Variants in GPHN observed in about 807,000 individuals in gnomAD.
GPHN encodes gephyrin.
GPHN carries 17 observed loss-of-function variants against 95.5 expected under a neutral mutation model. That is an observed-to-expected ratio of 0.18 (90% CI 0.12 to 0.27). The LOEUF is 0.27. Among genes scored for constraint, GPHN ranks in the 10% least tolerant of loss-of-function variants. GPHN has a pLI of 1.00. For synonymous variants in GPHN, 320 were observed against 322.5 expected, an observed-to-expected ratio of 0.99 and a Z score of 0.08; for missense variants, 660 against 978.1, an observed-to-expected ratio of 0.67 and a Z score of 4.34.
At chr14:66,905,792 T>C (rs1396412336) in intron 5 of GPHN, among the ~76,000 whole-genome samples, 1 of 152,110 alleles carries the variant, frequency 6.6e-6, no homozygotes, top group Admixed American at 6.6e-5. Context: ...GTGTACCAAA[T>C]GTTTAGCTCC....
chr14:67,088,945 C>T, intron 11 of GPHN, 38 bp from the exon 12 acceptor site: 1 of 1,169,766 alleles, frequency 8.5e-7, no homozygotes, highest in Non-Finnish European at 1.3e-6. Flanking sequence ...ACCCATTGCT[C>T]TCCATATTTA....
chr14:67,420,355 C>T, the GPHN span, among the ~76,000 whole-genome samples: 1 of 152,306 alleles, frequency 6.6e-6, no homozygotes, highest in Admixed American at 6.5e-5. Flanking sequence ...AGAGGGGTGA[C>T]GCCAGCCCTA....
At chr14:67,645,146 T>C in the GPHN span, among the ~76,000 whole-genome samples, 1 of 152,148 alleles carries the variant, frequency 6.6e-6, no homozygotes, top group African/African-American at 2.4e-5. Flanking sequence ...GGTGAGTCGT[T>C]ACCTATAGAC....
At chr14:67,411,222 T>C in the GPHN span, among the ~76,000 whole-genome samples, 3 of 152,074 alleles carry the variant, frequency 2.0e-5, no homozygotes, top group Non-Finnish European at 4.4e-5. Flanking sequence ...TTTGTTCATC[T>C]TCTACCATAA....
At chr14:66,648,894 G>A (rs940151783) in intron 1 of GPHN, among the ~76,000 whole-genome samples, 2 of 152,168 alleles carry the variant, frequency 1.3e-5, no homozygotes, top group African/African-American at 4.8e-5. Flanking sequence ...ATAAGTGAAT[G>A]TTCACCTAAG....
chr14:67,015,067 C>T (rs1270624847), intron 9 of GPHN, among the ~76,000 whole-genome samples: 1 of 152,164 alleles, frequency 6.6e-6, no homozygotes, highest in Non-Finnish European at 1.5e-5. Flanking sequence ...GTGTGTTCTA[C>T]ATATTATAGT....
At chr14:66,533,115 A>G (rs2059008193) in intron 1 of GPHN, among the ~76,000 whole-genome samples, 1 of 152,218 alleles carries the variant, frequency 6.6e-6, no homozygotes, top group South Asian at 2.1e-4. Context: ...TTAATTAATA[A>G]ATGTTTTTTT....
intron 1 of GPHN, among the ~76,000 whole-genome samples, chr14:66,644,940 G>A (rs775078792): frequency 6.6e-6 from 1 of 151,908 alleles, no homozygotes; most frequent in Non-Finnish European, 1.5e-5. Context: ...TTTGTAGTAA[G>A]GCATGTAAAT....
chr14:67,215,971 A>T, the GPHN span, among the ~76,000 whole-genome samples: 1 of 152,200 alleles, frequency 6.6e-6, no homozygotes, highest in Admixed American at 6.6e-5. Context: ...CTTTTAAAAA[A>T]TTGATGAAAA....
chr14:66,900,212 A>T (rs6573734), intron 5 of GPHN, among the ~76,000 whole-genome samples: 47,032 of 151,432 alleles, frequency 0.31, 11,263 homozygotes, highest in African/African-American at 0.65. Context: ...TTCATTGACT[A>T]TCTCTGTTTT....
the GPHN span, among the ~76,000 whole-genome samples, chr14:67,489,724 C>T: frequency 2.6e-5 from 4 of 152,242 alleles, no homozygotes; most frequent in Admixed American, 1.3e-4. Context: ...GGCGCGGTGG[C>T]TCACGCCTGT....
At chr14:67,057,144 C>G in intron 10 of GPHN, among the ~76,000 whole-genome samples, 1 of 152,200 alleles carries the variant, frequency 6.6e-6, no homozygotes. Flanking sequence ...CAGCGGCAGG[C>G]TGAAGGGCTT....
chr14:67,428,921 C>A, the GPHN span, among the ~76,000 whole-genome samples: 1 of 152,166 alleles, frequency 6.6e-6, no homozygotes, highest in Non-Finnish European at 1.5e-5. Context: ...GCTCTGTAAG[C>A]AGTCAGCCAC....
chr14:67,324,385 G>T, the GPHN span, among the ~76,000 whole-genome samples: 1 of 152,044 alleles, frequency 6.6e-6, no homozygotes, highest in African/African-American at 2.4e-5. Flanking sequence ...TGGTAACTCT[G>T]TCAGGTGACT....
At chr14:66,591,020 A>G (rs917539400) in intron 1 of GPHN, among the ~76,000 whole-genome samples, 3 of 152,156 alleles carry the variant, frequency 2.0e-5, no homozygotes, top group African/African-American at 7.2e-5. Context: ...ATCAATAAAC[A>G]CAATCCATTA....
chr14:66,542,401 C>A (rs1283699103), intron 1 of GPHN, among the ~76,000 whole-genome samples: 2 of 152,244 alleles, frequency 1.3e-5, no homozygotes, highest in African/African-American at 4.8e-5. Context: ...TGGTTCCTAC[C>A]TCACTGAGAA....
At chr14:67,098,950 G>C (rs2077544710) in intron 12 of GPHN, among the ~76,000 whole-genome samples, 1 of 152,136 alleles carries the variant, frequency 6.6e-6, no homozygotes, top group Non-Finnish European at 1.5e-5. Context: ...GATGCAGTTG[G>C]TGTGGAACTC....
the GPHN span, among the ~76,000 whole-genome samples, chr14:67,554,016 G>A: frequency 6.6e-6 from 1 of 152,204 alleles, no homozygotes; most frequent in African/African-American, 2.4e-5. Context: ...CATATGGGTT[G>A]TAAGTCTTGA....
the GPHN span, among the ~76,000 whole-genome samples, chr14:67,291,809 AAAT>A: frequency 2.2e-4 from 34 of 152,332 alleles, no homozygotes; most frequent in African/African-American, 7.7e-4. Flanking sequence ...AGATTTTTAA[AAAT>A]AATAATATCA....
Sources: gnomAD v4.1 joint callset for allele counts (sites outside exome capture counted in the v4.1 genomes callset) on GRCh38, gnomAD v4.1.1 for gene constraint, MANE v1.5 for transcripts, NCBI Gene and HGNC (gene_info 2026-07-23, HGNC 2026-07-21) for gene names.